The following IL7R variants were observed in gnomAD, a reference collection of about 807,000 sequenced individuals.
IL7R encodes interleukin 7 receptor.
IL7R carries 38 observed loss-of-function variants against 47.0 expected under a neutral mutation model. The ratio of observed to expected loss-of-function variants is 0.81; its 90% CI spans 0.62 to 1.06. The LOEUF (loss-of-function observed/expected upper bound fraction) is 1.06. IL7R is among the 50% of genes least tolerant of loss of function. The probability of loss-of-function intolerance (pLI) is 0.00; values close to 1 mark genes in which losing one functional copy is unlikely to be tolerated. For missense variants in IL7R, 633 were observed against 534.8 expected (o/e 1.18, Z -1.81); for synonymous variants, 221 against 199.8 (o/e 1.11, Z -0.89).
At chr5:35,868,913 G>A (rs1760003901) in intron 3 of IL7R, among the ~76,000 whole-genome samples, 1 of 152,138 alleles carries the variant, frequency 6.6e-6, no homozygotes, top group South Asian at 2.1e-4. Flanking sequence ...TCCCCCAGCA[G>A]ACTGCAAATC....
Position 35,876,188 on chromosome 5 carries a change from T to A in IL7R, c.1082T>A (p.Phe361Tyr). 1 of 1,614,122 alleles carries A rather than the reference T, an allele frequency of 6.2e-7. No individual in the cohort carries two copies. The highest frequency in any genetic ancestry group is 8.5e-7 in the Non-Finnish European group (1 of 1,180,026). ...SEDVVITPES[F>Y]GRDSSLTCLA... ...GATGTAGTCATCACTCCAGAAAGCTTTGGAAGAGATTCATCCCTCACATGC... is the reference window on the plus strand; with the variant it reads ...GATGTAGTCATCACTCCAGAAAGCTATGGAAGAGATTCATCCCTCACATGC... Residue 361 changes from phenylalanine (F) to tyrosine (Y), a missense_variant, in exon 8 of 8, where the codon TTT becomes TAT. Phe to Tyr is a conservative substitution (Grantham distance 22). Transcript: ENST00000303115.
At chr5:35,871,417 C>T (rs1242966053) in intron 4 of IL7R, among the ~76,000 whole-genome samples, 1 of 152,108 alleles carries the variant, frequency 6.6e-6, no homozygotes, top group Non-Finnish European at 1.5e-5. Context: ...TTTTCTTCTG[C>T]TCTAATTTTG....
At position 35,871,254 on chromosome 5, in the gene IL7R, A is replaced by G. The variant is rs375000958; in HGVS notation, c.537+41A>G. ...ACATTAATAAAATAAAAACTTATGA[A>G]TGTTTTCTATTTTGTTGGCCTAGTA... On this transcript the variant is annotated intron_variant, in intron 4 of 7. Transcript: ENST00000303115. 2.2e-5 allele frequency: 34 copies of G among 1,535,664 alleles called. No individual in the cohort carries two copies. The African/African-American group carries it at 3.1e-4, about 14-fold the overall frequency.
At chr5:35,865,746 A>G (rs182172153) in intron 2 of IL7R, among the ~76,000 whole-genome samples, 3 of 152,174 alleles carry the variant, frequency 2.0e-5, no homozygotes, top group Non-Finnish European at 4.4e-5. Context: ...ATGAACTCAA[A>G]CAAATTTACA....
intron 2 of IL7R, among the ~76,000 whole-genome samples, chr5:35,865,176 T>C (rs1244410686): frequency 6.6e-6 from 1 of 152,148 alleles, no homozygotes; most frequent in Non-Finnish European, 1.5e-5. Context: ...GCTCTTATCG[T>C]TCAATTCCCA....
In IL7R at chr5:35,856,925, C is replaced by A; in HGVS notation, c.-53C>A. The A allele has an allele frequency of 9.7e-7, 1 of 1,029,480 alleles. No homozygotes were observed. Among genetic ancestry groups the A allele is most frequent in the South Asian group, 1.3e-5 (1 of 79,582 alleles). 63.8% of individuals were successfully genotyped at this position (1,029,480 alleles called of 1,614,324 possible). A position where few individuals can be genotyped will look rare whatever the true frequency, so the allele number is the denominator to read the frequency against. ...TCCCTCCCTTCCTCTTACTCTCATT[C>A]ATTTCATACACACTGGCTCACACAT... On this transcript the variant is annotated 5_prime_UTR_variant, in exon 1 of 8. Coordinates refer to ENST00000303115, the MANE Select transcript of IL7R (RefSeq NM_002185.5).
chr5:35,873,347 C>T (rs1424847525), intron 4 of IL7R, 133 bp from the exon 5 acceptor site: 1 of 794,828 alleles, frequency 1.3e-6, no homozygotes, highest in Admixed American at 2.0e-5. Flanking sequence ...ATCAGAGCTC[C>T]TTATTCTAAC....
rs751073911 is a variant in IL7R at position 35,876,025 on chromosome 5, C to A, written c.919C>A (p.Gln307Lys). Residue 307 changes from glutamine to lysine, a missense_variant, in exon 8 of 8, where the codon CAG (glutamine) becomes AAG (lysine). Gln to Lys is a moderately conservative substitution (Grantham distance 53, BLOSUM62 1). Coordinates refer to ENST00000303115, the MANE Select transcript of IL7R (RefSeq NM_002185.5). ...SFNPESFLDC[Q>K]IHRVDDIQAR... ...CAATCCTGAAAGTTTCCTGGACTGC[C>A]AGATTCATAGGGTGGATGACATTCA... The A allele has an allele frequency of 9.3e-6, 15 of 1,613,868 alleles. No individual in the cohort carries two copies. In the Admixed American group the frequency reaches 2.0e-4, roughly 22 times the overall value.
intron 3 of IL7R, among the ~76,000 whole-genome samples, chr5:35,869,184 C>T (rs1456036823): frequency 6.6e-6 from 1 of 152,160 alleles, no homozygotes; most frequent in Non-Finnish European, 1.5e-5. Flanking sequence ...GCCAGTGCTC[C>T]ACTGCCACCA....
chr5:35,862,767 T>C (rs563756496), intron 2 of IL7R, among the ~76,000 whole-genome samples: 2 of 152,280 alleles, frequency 1.3e-5, no homozygotes, highest in Admixed American at 1.3e-4. Context: ...TGCTACAGGT[T>C]GGGGCCTGTA....
At position 35,874,428 on chromosome 5, in the gene IL7R, C is replaced by G. The variant is rs1211305208; in HGVS notation, c.707-21C>G. On this transcript the variant is annotated intron_variant, in intron 5 of 7. Transcript: ENST00000303115. ...CTGCATGGCTACTGAATGCTCACCA[C>G]AATCTATTCTTGCTTTCCAGGGGAG... is the stretch of plus-strand genomic sequence containing the variant. The G allele has an allele frequency of 6.5e-6, 10 of 1,547,044 alleles. No homozygotes were observed. In the Admixed American group the frequency reaches 1.3e-4, roughly 21 times the overall value.
At chr5:35,867,216 C>A in intron 2 of IL7R, 90 bp from the exon 3 acceptor site, 2 of 1,213,490 alleles carry the variant, frequency 1.6e-6, no homozygotes, top group South Asian at 1.2e-5. Context: ...GAGTTAAAGT[C>A]AAACATACAT....
chr5:35,875,558 C>A lies in IL7R; in HGVS notation c.847C>A (p.Leu283Met), dbSNP rs1277758876. Reference protein sequence around the residue: ...WPSLPDHKKTLEHLCKKPRKN... With the variant: ...WPSLPDHKKTMEHLCKKPRKN... Reference sequence around the variant, plus strand: ...CAGTCTCCCCGATCATAAGAAGACTCTGGAACATCTTTGTAAGAAACCAAG... The same window carrying A: ...CAGTCTCCCCGATCATAAGAAGACTATGGAACATCTTTGTAAGAAACCAAG... Residue 283 changes from leucine to methionine, a missense_variant, in exon 7 of 8, where the codon CTG becomes ATG. Coordinates refer to ENST00000303115, the MANE Select transcript of IL7R (RefSeq NM_002185.5). 5.6e-6 allele frequency: 9 copies of A among 1,613,628 alleles called. No homozygotes were observed. Among genetic ancestry groups the A allele is most frequent in the Non-Finnish European group, 7.6e-6 (9 of 1,179,542 alleles).
At chr5:35,874,848 G>A (rs1349608151) in intron 6 of IL7R, among the ~76,000 whole-genome samples, 2 of 152,164 alleles carry the variant, frequency 1.3e-5, no homozygotes, top group Non-Finnish European at 2.9e-5. Context: ...AATGCACAAT[G>A]TACTTGAAGT....
intron 3 of IL7R, among the ~76,000 whole-genome samples, 171 bp from the exon 4 acceptor site, chr5:35,870,885 G>A (rs1760056104): frequency 1.3e-5 from 2 of 152,202 alleles, no homozygotes; most frequent in Non-Finnish European, 2.9e-5. Context: ...AAGAGAGGCT[G>A]GAGAATGCGG....
At position 35,878,883 on chromosome 5, in the gene IL7R, T is replaced by C. The variant is rs1760282755; in HGVS notation, c.*2397T>C. 4.3e-6 allele frequency: 1 copy of C among 233,026 alleles called. No homozygotes were observed. The highest frequency in any genetic ancestry group is 8.5e-6 in the Non-Finnish European group (1 of 117,896). The allele number at this position is 233,026 out of a possible 1,614,324, so 14.4% of individuals were successfully genotyped here. ...CGAGATATCTCCAGCTCTAAAATCC[T>C]TTGTTTCAATGTTGTTTGGCATATG... On this transcript the variant is annotated 3_prime_UTR_variant, in exon 8 of 8. Transcript: ENST00000303115.
At chr5:35,866,529 A>G (rs1759944186) in intron 2 of IL7R, among the ~76,000 whole-genome samples, 1 of 152,144 alleles carries the variant, frequency 6.6e-6, no homozygotes, top group Admixed American at 6.6e-5. Flanking sequence ...ACCATCAAGC[A>G]TAGAGTTTTC....
chr5:35,877,537 C>T lies in IL7R; in HGVS notation c.*1051C>T, dbSNP rs949713475. ...CGTCCATGATCTCAGAGGAAACTGT[C>T]GCTGACCCTGGACATGGGTACGTTT... On this transcript the variant is annotated 3_prime_UTR_variant, in exon 8 of 8. Transcript: ENST00000303115. 2.6e-5 allele frequency: 6 copies of T among 233,082 alleles called. No homozygotes were observed. Among genetic ancestry groups the T allele is most frequent in the East Asian group, 6.0e-5 (1 of 16,584 alleles). 14.4% of individuals were successfully genotyped at this position (233,082 alleles called of 1,614,324 possible).
At chr5:35,873,154 T>G in intron 4 of IL7R, 1 of 338,486 alleles carries the variant, frequency 3.0e-6, no homozygotes, top group Non-Finnish European at 5.7e-6. Context: ...ACCTTTCATC[T>G]CCCCTTAATA....
Sources: gnomAD v4.1 joint callset for allele counts (sites outside exome capture counted in the v4.1 genomes callset) on GRCh38, gnomAD v4.1.1 for gene constraint, MANE v1.5 for transcripts, NCBI Gene and HGNC (gene_info 2026-07-23, HGNC 2026-07-21) for gene names.